The following KIAA1217 variants were observed in gnomAD, a reference collection of about 807,000 sequenced individuals.
The protein encoded by KIAA1217 is KIAA1217.
In KIAA1217, 88 loss-of-function variants were observed where a neutral mutation model predicts 163.9. The ratio of observed to expected loss-of-function variants is 0.54; its 90% CI spans 0.45 to 0.64. The LOEUF (loss-of-function observed/expected upper bound fraction) is 0.64. Ranked by LOEUF, KIAA1217 falls within the 30% of genes least tolerant of loss-of-function variation. The pLI is 0.00. For missense variants in KIAA1217, 2,372 were observed against 2,475.0 expected (o/e 0.96, Z 0.88); for synonymous variants, 903 against 923.1 (o/e 0.98, Z 0.39).
At chr10:24,010,772 C>A (rs1351962522) in intron 2 of KIAA1217, among the ~76,000 whole-genome samples, 1 of 151,954 alleles carries the variant, frequency 6.6e-6, no homozygotes, top group Admixed American at 6.6e-5. Flanking sequence ...CTTTTCCTTT[C>A]CAGGGCCTGA....
In KIAA1217 at chr10:24,542,878, C is replaced by G. The variant is rs748746067; in HGVS notation, c.3613-5C>G. On this transcript the variant is annotated splice_region_variant and splice_polypyrimidine_tract_variant and intron_variant, in intron 18 of 20. Coordinates refer to ENST00000376454, the MANE Select transcript of KIAA1217 (RefSeq NM_019590.5). ...GTGGTTTCCCTCCTCCGTTCTCCCT[C>G]TCAGGTTACCACAGGGGCTGTAAGA... 1.9e-6 allele frequency: 3 copies of G among 1,609,764 alleles called. No homozygotes were observed. Among genetic ancestry groups the G allele is most frequent in the Middle Eastern group, 1.7e-4 (1 of 6,034 alleles).
At chr10:23,882,789 C>T (rs906920365) in intron 1 of KIAA1217, among the ~76,000 whole-genome samples, 1 of 151,916 alleles carries the variant, frequency 6.6e-6, no homozygotes, top group African/African-American at 2.4e-5. Flanking sequence ...ATAAACCCTG[C>T]TCTTTGTGAG....
intron 2 of KIAA1217, among the ~76,000 whole-genome samples, chr10:24,247,130 T>TTC (rs1450218301): frequency 6.6e-5 from 10 of 151,072 alleles, no homozygotes; most frequent in Non-Finnish European, 1.5e-4. Context: ...TTTTCTTTTT[T>TTC]TTTTTTTTCA....
At chr10:24,466,672 T>A (rs547259321) in intron 5 of KIAA1217, 1 of 985,466 alleles carries the variant, frequency 1.0e-6, no homozygotes, top group African/African-American at 1.7e-5. Flanking sequence ...GTCTAAAATA[T>A]TCAAGTGTGC....
intron 2 of KIAA1217, among the ~76,000 whole-genome samples, chr10:24,292,076 T>C (rs1241333158): frequency 6.6e-6 from 1 of 152,220 alleles, no homozygotes; most frequent in Non-Finnish European, 1.5e-5. Context: ...TTGGATGAGT[T>C]TTCTGGCTTT....
rs1168412694 is a variant in KIAA1217 at position 23,764,875 on chromosome 10, A to G, written c.-321+69641A>G. On this transcript the variant is annotated intron_variant, in intron 1 of 18. Coordinates refer to the KIAA1217 transcript ENST00000376462. ...CACCATGGCACACATATACCTATGT[A>G]ACAAACCTGCACGTTGTGCACACAC... Among the ~76,000 whole-genome samples the G allele has an allele frequency of 7.2e-5, 11 of 152,328 alleles. No individual in the cohort carries two copies. The East Asian group carries it at 2.1e-3, about 29-fold the overall frequency.
rs139858911 is a variant in KIAA1217, at chr10:23,943,375, C to T, written c.-320-63850C>T. ...TAGCAGCAAATAATTATAACATGAACTATTTTAAATAAAAAGTAGCTAAGA... is the reference window on the plus strand; with the variant it reads ...TAGCAGCAAATAATTATAACATGAATTATTTTAAATAAAAAGTAGCTAAGA... On this transcript the variant is annotated intron_variant, in intron 1 of 18. Coordinates refer to the KIAA1217 transcript ENST00000376462. 3.4e-3 allele frequency among the ~76,000 whole-genome samples: 513 copies of T among 152,122 alleles called. 3 individuals are homozygous for T. The highest frequency in any genetic ancestry group is 0.011 in the African/African-American group (465 of 41,516).
At chr10:23,734,120 A>G (rs909670711) in intron 1 of KIAA1217, among the ~76,000 whole-genome samples, 2 of 152,104 alleles carry the variant, frequency 1.3e-5, no homozygotes, top group Admixed American at 1.3e-4. Flanking sequence ...CCAACTTAGT[A>G]GGAACCCAAC....
At chr10:24,066,242 G>A (rs1392839084) in intron 2 of KIAA1217, among the ~76,000 whole-genome samples, 1 of 152,076 alleles carries the variant, frequency 6.6e-6, no homozygotes, top group South Asian at 2.1e-4. Context: ...TAGCCTTGAC[G>A]GTCTTTACAA....
intron 1 of KIAA1217, among the ~76,000 whole-genome samples, chr10:23,998,460 A>G (rs10734049): frequency 0.64 from 96,655 of 152,118 alleles, 30,961 homozygotes; most frequent in Middle Eastern, 0.77. Context: ...ATGCTAATTC[A>G]AATACATGGG....
chr10:23,774,862 A>T (rs1834943717), intron 1 of KIAA1217, among the ~76,000 whole-genome samples: 1 of 152,232 alleles, frequency 6.6e-6, no homozygotes, highest in Non-Finnish European at 1.5e-5. Flanking sequence ...AAGCTTTAAC[A>T]TTTTTTAACA....
intron 2 of KIAA1217, among the ~76,000 whole-genome samples, chr10:24,176,818 C>T (rs371617742): frequency 4.5e-4 from 68 of 152,306 alleles, no homozygotes; most frequent in Admixed American, 1.1e-3. Context: ...CGGTAGCCCA[C>T]GGGGCAGGGG....
chr10:24,200,765 A>G (rs2067218858), intron 2 of KIAA1217, among the ~76,000 whole-genome samples: 1 of 151,992 alleles, frequency 6.6e-6, no homozygotes, highest in Admixed American at 6.6e-5. Flanking sequence ...GAGCCTACTG[A>G]TTGCACCAGT....
intron 2 of KIAA1217, among the ~76,000 whole-genome samples, chr10:24,245,659 T>G (rs1277354973): frequency 6.6e-6 from 1 of 151,940 alleles, no homozygotes. Context: ...CGAGACAAGG[T>G]CTCTCTTTAT....
intron 2 of KIAA1217, among the ~76,000 whole-genome samples, chr10:24,287,207 G>T (rs775699508): frequency 2.0e-5 from 3 of 152,044 alleles, no homozygotes; most frequent in Admixed American, 6.6e-5. Flanking sequence ...TGCGCCACAC[G>T]CCGAGCTAAT....
intron 3 of KIAA1217, among the ~76,000 whole-genome samples, chr10:24,384,328 T>G (rs1275958743): frequency 1.3e-5 from 2 of 152,152 alleles, no homozygotes; most frequent in Non-Finnish European, 2.9e-5. Flanking sequence ...TTTAGGTTTG[T>G]AACAAGATCG....
chr10:24,231,962 C>T (rs7899031), intron 2 of KIAA1217, among the ~76,000 whole-genome samples: 138,677 of 152,156 alleles, frequency 0.91, 63,561 homozygotes, highest in Non-Finnish European at 0.97. Flanking sequence ...CCTGAGTAAT[C>T]TTTGTATTCT....
intron 13 of KIAA1217, among the ~76,000 whole-genome samples, chr10:24,525,574 G>A (rs10828664): frequency 0.58 from 88,165 of 151,996 alleles, 26,004 homozygotes; most frequent in African/African-American, 0.65. Flanking sequence ...TAGAAACAAC[G>A]TACAGAATTG....
intron 2 of KIAA1217, among the ~76,000 whole-genome samples, chr10:24,368,078 A>G (rs543759466): frequency 2.0e-5 from 3 of 152,344 alleles, no homozygotes; most frequent in Admixed American, 6.5e-5. Flanking sequence ...AATAAACATT[A>G]AAGTTCAAGT....
Sources: allele counts gnomAD v4.1 joint callset (sites outside exome capture counted in the v4.1 genomes callset), GRCh38; gene constraint gnomAD v4.1.1; transcripts MANE v1.5; gene names NCBI Gene and HGNC (gene_info 2026-07-23, HGNC 2026-07-21).